MVK: variants seen among roughly 807,000 people sequenced by gnomAD.
MVK encodes LH receptor mRNA-binding protein.
In MVK, 34 loss-of-function variants were observed where a neutral mutation model predicts 43.2. That is an observed-to-expected ratio of 0.79 (90% CI 0.60 to 1.05). The LOEUF (loss-of-function observed/expected upper bound fraction) is 1.05, where lower values mean the gene tolerates loss of function less well. Among genes scored for constraint, MVK ranks in the 50% least tolerant of loss-of-function variants. The pLI is 0.00. For synonymous variants in MVK, 190 were observed against 219.8 expected (o/e 0.86, Z 1.20); for missense variants, 395 against 504.0 (o/e 0.78, Z 2.07).
chr12:109,580,071 C>T, intron 4 of MVK, 125 bp downstream of exon 4: 4 of 1,416,566 alleles, frequency 2.8e-6, no homozygotes, highest in African/African-American at 1.4e-5. Flanking sequence ...TGGCTGTCCT[C>T]ATCATGTGCC....
intron 7 of MVK, chr12:109,589,716 G>A (rs1159394138): frequency 1.3e-5 from 2 of 152,220 alleles, no homozygotes; most frequent in Non-Finnish European, 2.9e-5. Context: ...CTTGAACTGT[G>A]AAGACAGCGA....
chr12:109,596,277 A>T, intron 10 of MVK, 149 bp from the exon 11 acceptor site: 1 of 1,122,486 alleles, frequency 8.9e-7, no homozygotes, highest in Non-Finnish European at 1.3e-6. Flanking sequence ...GAGGGGCTGC[A>T]GGTAACCTTG....
In MVK at chr12:109,595,302, T is replaced by G. The variant is rs570809342; in HGVS notation, c.1039+121T>G. 25 of 1,299,522 alleles carry G rather than the reference T, an allele frequency of 1.9e-5. No homozygotes were observed. In the Admixed American group the frequency reaches 6.1e-4, roughly 32 times the overall value. The allele number at this position is 1,299,522 out of a possible 1,614,324, so 80.5% of individuals were successfully genotyped here. On this transcript the variant is annotated intron_variant, in intron 10 of 10. Coordinates refer to ENST00000228510, the MANE Select transcript of MVK (RefSeq NM_000431.4). The surrounding 1 kb of genome is among the most constrained non-coding windows in gnomAD (Gnocchi z 5.9). ...AGGTCTCAGCTCCGCTGTGTGGCCTTGGGCAAGTTAGTTAACCTCTGGTCT... is the reference window on the plus strand; with the variant it reads ...AGGTCTCAGCTCCGCTGTGTGGCCTGGGGCAAGTTAGTTAACCTCTGGTCT...
chr12:109,579,088 A>G, intron 3 of MVK: 1 of 338,672 alleles, frequency 3.0e-6, no homozygotes. Context: ...TTGAGCCAGC[A>G]TTCTCTGTGT....
Position 109,586,811 on chromosome 12 carries a change from G to T in MVK, c.677+12G>T, listed in dbSNP as rs539146613. 3 of 1,614,068 alleles carry T rather than the reference G, an allele frequency of 1.9e-6. No homozygotes were observed. The East Asian group carries it at 6.7e-5, about 36-fold the overall frequency. On this transcript the variant is annotated intron_variant, in intron 7 of 10. Transcript: ENST00000228510. ...TCATCCTTAAAGAGGTAACCTGGGG[G>T]TGGAGCAGCACATTCAGCCATGGCT...
At chr12:109,586,487 C>T (rs1320656717) in intron 6 of MVK, among the ~76,000 whole-genome samples, 1 of 152,190 alleles carries the variant, frequency 6.6e-6, no homozygotes, top group African/African-American at 2.4e-5. Flanking sequence ...CTGGGCCCCA[C>T]CTTCACCATG....
At chr12:109,584,840 G>A (rs1268754475) in intron 5 of MVK, among the ~76,000 whole-genome samples, 9 of 152,154 alleles carry the variant, frequency 5.9e-5, no homozygotes, top group African/African-American at 4.8e-5. Context: ...AGCTGAGATC[G>A]TGCCACAGCA....
rs104895314 is a variant in MVK, at chr12:109,590,821, C to T, written c.728C>T (p.Thr243Ile). 6.2e-7 allele frequency: 1 copy of T among 1,614,184 alleles called. No homozygotes were observed. The highest frequency in any genetic ancestry group is 8.5e-7 in the Non-Finnish European group (1 of 1,180,038). Residue 243 changes from threonine to isoleucine, a missense_variant, in exon 8 of 11, where the codon ACC (threonine) becomes ATC (isoleucine). Thr to Ile is a moderately conservative substitution (Grantham distance 89). Coordinates refer to ENST00000228510, the MANE Select transcript of MVK (RefSeq NM_000431.4). ...ACCAACACCAAAGTCCCTCGCAATA[C>T]CAGGGCCCTTGTGGCTGGCGTCAGA... ...LLTNTKVPRN[T>I]RALVAGVRNR...
intron 3 of MVK, among the ~76,000 whole-genome samples, chr12:109,578,806 G>A (rs563308249): frequency 6.6e-6 from 1 of 152,300 alleles, no homozygotes; most frequent in South Asian, 2.1e-4. Context: ...CCTTGAGAAT[G>A]TGACCTGAGG....
Position 109,579,960 on chromosome 12 carries a change from C to G in MVK, c.371+14C>G, listed in dbSNP as rs1885142481. ...CCGGAAGCAGAGGTGTGTGCGTGGT[C>G]TGGGGAAGGAGTCCAGATTCAGCCT... is the stretch of plus-strand genomic sequence containing the variant. On this transcript the variant is annotated intron_variant, in intron 4 of 10. Transcript: ENST00000228510. The G allele has an allele frequency of 6.2e-7, 1 of 1,614,032 alleles. No homozygotes were observed. Among genetic ancestry groups the G allele is most frequent in the African/African-American group, 1.3e-5 (1 of 74,938 alleles).
At chr12:109,592,301 C>T (rs1042261015) in intron 9 of MVK, among the ~76,000 whole-genome samples, 1 of 152,222 alleles carries the variant, frequency 6.6e-6, no homozygotes, top group African/African-American at 2.4e-5. Context: ...ACCAAAGAGC[C>T]CAGGCTCCCC....
intron 5 of MVK, among the ~76,000 whole-genome samples, chr12:109,585,411 G>C (rs1189530725): frequency 6.6e-6 from 1 of 152,164 alleles, no homozygotes; most frequent in Non-Finnish European, 1.5e-5. Flanking sequence ...CTCTGAGGAG[G>C]GTGGGGGTTC....
chr12:109,590,811 C>A lies in MVK; in HGVS notation c.718C>A (p.Pro240Thr), dbSNP rs758952837. 1.2e-6 allele frequency: 2 copies of A among 1,614,214 alleles called. No homozygotes were observed. The highest frequency in any genetic ancestry group is 2.2e-5 in the South Asian group (2 of 91,084). ...LQILLTNTKV[P>T]RNTRALVAGV... ...GATCCTGCTGACCAACACCAAAGTC[C>A]CTCGCAATACCAGGGCCCTTGTGGC... Residue 240 changes from proline to threonine, a missense_variant, in exon 8 of 11, where the codon CCT becomes ACT. Physicochemically the swap from Pro to Thr is conservative, Grantham distance 38. Transcript: ENST00000228510.
chr12:109,582,908 C>T (rs145383269), intron 5 of MVK, among the ~76,000 whole-genome samples: 94 of 152,222 alleles, frequency 6.2e-4, no homozygotes, highest in Admixed American at 1.2e-3. Flanking sequence ...TGGAATGCAC[C>T]CCACACACAC....
chr12:109,596,448 G>A lies in MVK; in HGVS notation c.1062G>A (p.Glu354=). Residue 354 remains glutamate, a synonymous_variant, in exon 11 of 11, where the codon GAG becomes GAA. Transcript: ENST00000228510. Reference sequence around the variant, plus strand: ...CAGGGCTGGAGCAGCCAGAAGTGGAGGCCACGAAGCAGGCCCTGACCAGCT... The same window carrying A: ...CAGGGCTGGAGCAGCCAGAAGTGGAAGCCACGAAGCAGGCCCTGACCAGCT... ...LKPGLEQPEV[E]ATKQALTSCG... is the part of the protein sequence containing the mutation. 6.2e-7 allele frequency: 1 copy of A among 1,613,618 alleles called. No individual in the cohort carries two copies. The highest frequency in any genetic ancestry group is 8.5e-7 in the Non-Finnish European group (1 of 1,179,944).
intron 3 of MVK, among the ~76,000 whole-genome samples, chr12:109,577,867 A>T (rs1257578094): frequency 6.6e-6 from 1 of 152,226 alleles, no homozygotes; most frequent in East Asian, 1.9e-4. Context: ...CAGCCAGAGC[A>T]CATGGAACTT....
intron 3 of MVK, among the ~76,000 whole-genome samples, chr12:109,578,954 G>C (rs976386972): frequency 1.2e-4 from 19 of 152,132 alleles, no homozygotes; most frequent in African/African-American, 4.6e-4. Flanking sequence ...GCACCGCCTC[G>C]CATTTACACT....
chr12:109,586,136 C>T lies in MVK; in HGVS notation c.631+11C>T. On this transcript the variant is annotated intron_variant, in intron 6 of 10. Coordinates refer to ENST00000228510, the MANE Select transcript of MVK (RefSeq NM_000431.4). ...CTGTCAGCACCTGGGGTAGGTGTGG[C>T]CTCAGGTTTATTTTATTGTTGTTAT... is the stretch of plus-strand genomic sequence containing the variant. 6.3e-7 allele frequency: 1 copy of T among 1,596,092 alleles called. No homozygotes were observed. The highest frequency in any genetic ancestry group is 1.7e-4 in the Middle Eastern group (1 of 6,034).
intron 7 of MVK, 198 bp from the exon 8 acceptor site, chr12:109,590,573 G>A: frequency 1.6e-6 from 1 of 635,016 alleles, no homozygotes; most frequent in Non-Finnish European, 2.8e-6. Context: ...AGGGAGAATG[G>A]CCACCCAACC....
Sources: gnomAD v4.1 joint callset for allele counts (sites outside exome capture counted in the v4.1 genomes callset) on GRCh38, gnomAD v4.1.1 for gene constraint, Gnocchi (gnomAD v3.1) non-coding constraint, MANE v1.5 for transcripts, NCBI Gene and HGNC (gene_info 2026-07-23, HGNC 2026-07-21) for gene names.